CD163L1: variants seen among roughly 807,000 people sequenced by gnomAD.
CD163L1 encodes scavenger receptor cysteine-rich type 1 protein M160.
Under a neutral mutation model 165.4 loss-of-function variants are expected in CD163L1, and 124 were observed. That is an observed-to-expected ratio of 0.75 (90% CI 0.65 to 0.87). The LOEUF (loss-of-function observed/expected upper bound fraction) is 0.87, where lower values mean the gene tolerates loss of function less well. CD163L1 is among the 40% of genes least tolerant of loss of function. The pLI is 0.00. For missense variants in CD163L1, 1,525 were observed against 1,799.9 expected (o/e 0.85, Z 2.76); for synonymous variants, 585 against 662.2 (o/e 0.88, Z 1.79).
intron 4 of CD163L1, among the ~76,000 whole-genome samples, chr12:7,421,064 TG>T (rs1948354892): frequency 1.1e-5 from 1 of 87,446 alleles, no homozygotes; most frequent in Non-Finnish European, 2.0e-5. Flanking sequence ...TACGTATATA[TG>T]TATATATACG....
chr12:7,335,600 A>G, the CD163L1 span, among the ~76,000 whole-genome samples: 26 of 152,330 alleles, frequency 1.7e-4, no homozygotes, highest in Non-Finnish European at 2.4e-4. Flanking sequence ...AGGCATGGGC[A>G]AGGACTTCAT....
At chr12:7,429,164 T>G (rs1948591180) in intron 4 of CD163L1, among the ~76,000 whole-genome samples, 1 of 151,994 alleles carries the variant, frequency 6.6e-6, no homozygotes, top group Non-Finnish European at 1.5e-5. Context: ...CGTCATAAAG[T>G]TTTTCAAACC....
intron 4 of CD163L1, among the ~76,000 whole-genome samples, chr12:7,413,919 A>T (rs948107301): frequency 2.0e-5 from 3 of 152,168 alleles, no homozygotes; most frequent in Admixed American, 1.3e-4. Flanking sequence ...GTACACCCAT[A>T]AAAAAGGTCT....
chr12:7,421,121 GTA>G (rs1565809134), intron 4 of CD163L1, among the ~76,000 whole-genome samples: 3 of 21,054 alleles, frequency 1.4e-4, no homozygotes, highest in Admixed American at 6.2e-4. Flanking sequence ...GGAAGAAAAT[GTA>G]TATATACGTA....
At chr12:7,433,718 A>G (rs1398858506) in intron 2 of CD163L1, 24 bp from the exon 3 acceptor site, 4 of 1,544,906 alleles carry the variant, frequency 2.6e-6, no homozygotes, top group Non-Finnish European at 2.6e-6. Context: ...AGAAACATAC[A>G]TTAGAGATGG....
At position 7,373,604 on chromosome 12, in the gene CD163L1, G is replaced by C; in HGVS notation, c.3446C>G (p.Thr1149Arg). The stretch of plus-strand genomic sequence containing the variant: ...TTCCAATCTCCCAGCACAGCTCTCT[G>C]TTTCAGTTTCACTGTAGAGCCTCAA... The part of the protein sequence containing the change: ...TALRLYSETE[T>R]ESCAGRLEVF... The change falls in exon 14 of 20, where the codon ACA (threonine) becomes AGA (arginine). Residue 1149 changes from threonine to arginine, a missense_variant. Thr to Arg is a moderately conservative substitution (Grantham distance 71). Coordinates refer to ENST00000313599, the MANE Select transcript of CD163L1 (RefSeq NM_174941.6). The C allele has an allele frequency of 1.2e-6, 2 of 1,610,636 alleles. No homozygotes were observed. Among genetic ancestry groups the C allele is most frequent in the Non-Finnish European group, 1.7e-6 (2 of 1,177,378 alleles).
chr12:7,397,561 TA>T (rs1386211217), intron 7 of CD163L1, among the ~76,000 whole-genome samples: 14 of 152,180 alleles, frequency 9.2e-5, no homozygotes, highest in Non-Finnish European at 2.9e-5. Context: ...GTTTCTCCTT[TA>T]ACAGTAGAGA....
chr12:7,381,960 A>C lies in CD163L1; in HGVS notation c.2051-2662T>G, dbSNP rs759915990. Among the ~76,000 whole-genome samples the C allele has an allele frequency of 3.4e-5, 5 of 145,586 alleles. No homozygotes were observed. In the East Asian group the frequency reaches 8.1e-4, roughly 24 times the overall value. Reference sequence around the variant, plus strand: ...ACTTTTAGGTTTTTCTGAATTAAAAAAATATATATTTATATGTAATTGTTT... The same window carrying C: ...ACTTTTAGGTTTTTCTGAATTAAAACAATATATATTTATATGTAATTGTTT... On this transcript the variant is annotated intron_variant, in intron 8 of 19. Coordinates refer to ENST00000313599, the MANE Select transcript of CD163L1 (RefSeq NM_174941.6).
chr12:7,402,790 C>T (rs1259047208), intron 6 of CD163L1, among the ~76,000 whole-genome samples: 1 of 151,970 alleles, frequency 6.6e-6, no homozygotes, highest in Non-Finnish European at 1.5e-5. Flanking sequence ...TATGCACCAC[C>T]ACACCCAGCT....
chr12:7,334,546 CA>C, the CD163L1 span, among the ~76,000 whole-genome samples: 1 of 152,128 alleles, frequency 6.6e-6, no homozygotes, highest in Admixed American at 6.5e-5. Context: ...ACTGAATGGG[CA>C]AAAACCGGAA....
At position 7,374,643 on chromosome 12, in the gene CD163L1, C is replaced by T; in HGVS notation, c.3208G>A (p.Ala1070Thr). The T allele has an allele frequency of 6.2e-7, 1 of 1,614,234 alleles. No individual in the cohort carries two copies. The highest frequency in any genetic ancestry group is 8.5e-7 in the Non-Finnish European group (1 of 1,180,044). ...CCCAGCTTTTGACACACCACGTGGG[C>T]ATCGCTCAGGTCCCAGCCGTCATCA... ...ICDDGWDLSD[A>T]HVVCQKLGCG... The change falls in exon 13 of 20, where the codon GCC becomes ACC. Residue 1070 changes from alanine to threonine, a missense_variant. By Grantham distance (58) the Ala-to-Thr change is moderately conservative (BLOSUM62 0). Coordinates refer to ENST00000313599, the MANE Select transcript of CD163L1 (RefSeq NM_174941.6). The surrounding 1 kb of genome is among the most constrained non-coding windows in gnomAD (Gnocchi z 5.4).
rs1591888440 is a variant in CD163L1 at position 7,372,504 on chromosome 12, T to C, written c.3730+816A>G. Among the ~76,000 whole-genome samples, 1 of 152,176 alleles carries C rather than the reference T, an allele frequency of 6.6e-6. No individual in the cohort carries two copies. Among genetic ancestry groups the C allele is most frequent in the South Asian group, 2.1e-4 (1 of 4,830 alleles). The stretch of plus-strand genomic sequence containing the variant: ...AATCACATGGTTATTTATGTTCACA[T>C]GATAAAATATTGTATGCCATTTGAA... On this transcript the variant is annotated intron_variant, in intron 14 of 19. Coordinates refer to ENST00000313599, the MANE Select transcript of CD163L1 (RefSeq NM_174941.6). This position sits in a 1 kb window ranked among gnomAD's most constrained non-coding sequence, Gnocchi z 4.2.
Position 7,432,652 on chromosome 12 carries a change from C to A in CD163L1, c.530G>T (p.Gly177Val). 1 of 1,614,038 alleles carries A rather than the reference C, an allele frequency of 6.2e-7. No homozygotes were observed. The highest frequency in any genetic ancestry group is 8.5e-7 in the Non-Finnish European group (1 of 1,180,000). ...RVEVKFQERWGTICDDGWNLN... is the reference protein window; with the variant it reads ...RVEVKFQERWVTICDDGWNLN... ...GTTCCACCCATCATCACATATAGTTCCCCACCTTTCTTGGAATTTCACCTC... is the reference window on the plus strand; with the variant it reads ...GTTCCACCCATCATCACATATAGTTACCCACCTTTCTTGGAATTTCACCTC... Residue 177 changes from glycine to valine, a missense_variant, in exon 4 of 20, where the codon GGA (glycine) becomes GTA (valine). Physicochemically the swap from Gly to Val is moderately radical, Grantham distance 109 (BLOSUM62 -3). Coordinates refer to ENST00000313599, the MANE Select transcript of CD163L1 (RefSeq NM_174941.6). This position sits in a 1 kb window ranked among gnomAD's most constrained non-coding sequence, Gnocchi z 4.2.
intron 8 of CD163L1, among the ~76,000 whole-genome samples, chr12:7,382,609 C>T (rs927460771): frequency 3.3e-5 from 5 of 152,184 alleles, no homozygotes; most frequent in African/African-American, 9.7e-5. Context: ...GGGAGAGCCC[C>T]TCAGCTTCTG....
At chr12:7,345,033 C>T (rs751729215), downstream of CD163L1, among the ~76,000 whole-genome samples, 2 of 152,240 alleles carry the variant, frequency 1.3e-5, no homozygotes, top group South Asian at 4.2e-4. Flanking sequence ...GCCTCTTTTT[C>T]ACTGTCTTGG....
In CD163L1 at chr12:7,403,865, A is replaced by C. The variant is rs768881498; in HGVS notation, c.1088-10T>G. 1 of 1,608,952 alleles carries C rather than the reference A, an allele frequency of 6.2e-7. No homozygotes were observed. Among genetic ancestry groups the C allele is most frequent in the Admixed American group, 1.7e-5 (1 of 59,670 alleles). On this transcript the variant is annotated splice_polypyrimidine_tract_variant and intron_variant, in intron 5 of 19. Transcript: ENST00000313599. Reference sequence around the variant, plus strand: ...TCCAAATCTGCTCCATCTAGGATGAAGTCACAGAGAAACGTCTGAATTGGG... The same window carrying C: ...TCCAAATCTGCTCCATCTAGGATGACGTCACAGAGAAACGTCTGAATTGGG...
the CD163L1 span, among the ~76,000 whole-genome samples, chr12:7,325,620 C>A: frequency 6.6e-6 from 1 of 152,122 alleles, no homozygotes; most frequent in Non-Finnish European, 1.5e-5. Flanking sequence ...GTACTCCAGC[C>A]TGGACAACAG....
chr12:7,331,746 C>T, the CD163L1 span, among the ~76,000 whole-genome samples: 257 of 152,248 alleles, frequency 1.7e-3, 1 homozygote, highest in Middle Eastern at 0.01. Flanking sequence ...GGAAAACTAA[C>T]AAACAGAAAG....
chr12:7,398,209 C>T lies in CD163L1; in HGVS notation c.1729+55G>A. The T allele has an allele frequency of 6.6e-7, 1 of 1,516,794 alleles. No homozygotes were observed. The highest frequency in any genetic ancestry group is 9.0e-7 in the Non-Finnish European group (1 of 1,113,912). 94.0% of individuals were successfully genotyped at this position (1,516,794 alleles called of 1,614,324 possible). A position where few individuals can be genotyped will look rare whatever the true frequency, so the allele number is the denominator to read the frequency against. ...CAGTTTATAGACCCAGAAGCCCTTC[C>T]TATGAGGAATACTATTTCTCTTATC... On this transcript the variant is annotated intron_variant, in intron 7 of 19. Coordinates refer to ENST00000313599, the MANE Select transcript of CD163L1 (RefSeq NM_174941.6). This position sits in a 1 kb window ranked among gnomAD's most constrained non-coding sequence, Gnocchi z 4.5.
Sources: allele counts gnomAD v4.1 joint callset (sites outside exome capture counted in the v4.1 genomes callset), GRCh38; gene constraint gnomAD v4.1.1; non-coding constraint Gnocchi (gnomAD v3.1); transcripts MANE v1.5; gene names NCBI Gene and HGNC (gene_info 2026-07-23, HGNC 2026-07-21).